The following RNF150 variants were observed in gnomAD, a reference collection of about 807,000 sequenced individuals.
RNF150 encodes ring finger protein 150.
In RNF150, 24 loss-of-function variants were observed where a neutral mutation model predicts 39.3. That is an observed-to-expected ratio of 0.61 (90% CI 0.44 to 0.86). The LOEUF (loss-of-function observed/expected upper bound fraction) is 0.86, where lower values mean the gene tolerates loss of function less well. Ranked by LOEUF, RNF150 falls within the 40% of genes least tolerant of loss-of-function variation. The probability of loss-of-function intolerance (pLI) is 0.00; values close to 1 mark genes in which losing one functional copy is unlikely to be tolerated. For synonymous variants in RNF150, 255 were observed against 227.3 expected (o/e 1.12, Z -1.10); for missense variants, 502 against 587.8 (o/e 0.85, Z 1.51).
At chr4:141,163,585 G>A (rs1028705230) in intron 1 of RNF150, among the ~76,000 whole-genome samples, 14 of 152,140 alleles carry the variant, frequency 9.2e-5, no homozygotes, top group Admixed American at 6.5e-4. Context: ...TGCCACCCTC[G>A]GATGAAGCTT....
At chr4:141,170,223 A>G (rs548235001) in intron 1 of RNF150, among the ~76,000 whole-genome samples, 1 of 152,340 alleles carries the variant, frequency 6.6e-6, no homozygotes, top group South Asian at 2.1e-4. Context: ...TGTAATGGTT[A>G]TAAGTCAGAT....
intron 5 of RNF150, among the ~76,000 whole-genome samples, chr4:140,918,103 T>C (rs560447145): frequency 1.9e-3 from 285 of 151,846 alleles, no homozygotes; most frequent in African/African-American, 6.6e-3. Context: ...AGATCCAAAA[T>C]TGACACCCTA....
chr4:141,146,809 A>G (rs961965777), intron 1 of RNF150, among the ~76,000 whole-genome samples: 1 of 152,182 alleles, frequency 6.6e-6, no homozygotes, highest in African/African-American at 2.4e-5. Context: ...TAAGAGAAGT[A>G]TACAATCTGC....
intron 1 of RNF150, among the ~76,000 whole-genome samples, chr4:141,107,206 C>T (rs1739240251): frequency 6.6e-6 from 1 of 152,126 alleles, no homozygotes; most frequent in Admixed American, 6.5e-5. Flanking sequence ...TTATAAAGAA[C>T]ATAGACTTTG....
At chr4:141,125,628 CG>C (rs1342946332) in intron 1 of RNF150, among the ~76,000 whole-genome samples, 1 of 152,278 alleles carries the variant, frequency 6.6e-6, no homozygotes, top group Middle Eastern at 3.4e-3. Flanking sequence ...GCAACAATAA[CG>C]GTTAACTTTT....
chr4:141,029,860 TTAAA>T (rs997122683), intron 1 of RNF150, among the ~76,000 whole-genome samples: 2 of 152,178 alleles, frequency 1.3e-5, no homozygotes, highest in African/African-American at 2.4e-5. Context: ...GGCAAATGAC[TTAAA>T]TAGACATTTC....
chr4:141,175,194 C>A (rs572148454), intron 1 of RNF150, among the ~76,000 whole-genome samples: 6 of 152,286 alleles, frequency 3.9e-5, no homozygotes, highest in Non-Finnish European at 8.8e-5. Flanking sequence ...GCCAGATTGC[C>A]ACATTAAGCC....
intron 1 of RNF150, among the ~76,000 whole-genome samples, chr4:141,114,852 TAA>T (rs1739498868): frequency 6.6e-6 from 1 of 152,174 alleles, no homozygotes; most frequent in Non-Finnish European, 1.5e-5. Flanking sequence ...TGCAAATCAA[TAA>T]GTGTAATTCA....
rs142802253 is a variant in RNF150, at chr4:140,995,590, A to G, written c.485-27717T>C. ...TCTTATGGAAAGCTGCTTCCGCCCC[A>G]TCCCTGTTTTAGCTAATCCTCAATT... On this transcript the variant is annotated intron_variant, in intron 1 of 6. Coordinates refer to ENST00000515673, the MANE Select transcript of RNF150 (RefSeq NM_020724.2). Among the ~76,000 whole-genome samples, 363 of 152,208 alleles carry G rather than the reference A, an allele frequency of 2.4e-3. 1 individual carries two copies. The highest frequency in any genetic ancestry group is 8.2e-3 in the African/African-American group (340 of 41,538).
At chr4:140,993,010 A>G (rs1335870354) in intron 1 of RNF150, among the ~76,000 whole-genome samples, 4 of 151,856 alleles carry the variant, frequency 2.6e-5, no homozygotes, top group African/African-American at 9.7e-5. Context: ...CGGGAAAACA[A>G]TGCTCTCGGG....
At chr4:140,917,761 C>T (rs562796235) in intron 5 of RNF150, among the ~76,000 whole-genome samples, 1 of 151,376 alleles carries the variant, frequency 6.6e-6, no homozygotes, top group East Asian at 1.9e-4. Context: ...CCACACCACA[C>T]CTATTCCAAA....
intron 6 of RNF150, among the ~76,000 whole-genome samples, chr4:140,895,248 G>A (rs1225272742): frequency 6.6e-6 from 1 of 152,126 alleles, no homozygotes; most frequent in Non-Finnish European, 1.5e-5. Flanking sequence ...CATCATAAGT[G>A]AGTATATTTT....
At chr4:141,001,027 T>C (rs1173827331) in intron 1 of RNF150, among the ~76,000 whole-genome samples, 1 of 152,206 alleles carries the variant, frequency 6.6e-6, no homozygotes, top group African/African-American at 2.4e-5. Flanking sequence ...CAGCGTAATT[T>C]TACTTATAAT....
chr4:141,162,698 A>C (rs1335607596), intron 1 of RNF150, among the ~76,000 whole-genome samples: 1 of 152,046 alleles, frequency 6.6e-6, no homozygotes, highest in Non-Finnish European at 1.5e-5. Context: ...CAGAACCACA[A>C]GGGGTCAAGG....
chr4:140,892,668 G>A (rs1011661856), intron 6 of RNF150, among the ~76,000 whole-genome samples: 2 of 149,496 alleles, frequency 1.3e-5, no homozygotes, highest in Middle Eastern at 3.2e-3. Context: ...TCTTGGCTTC[G>A]CAGGCTCCTT....
chr4:141,012,748 A>T (rs1269608731), intron 1 of RNF150, among the ~76,000 whole-genome samples: 5 of 120,682 alleles, frequency 4.1e-5, no homozygotes, highest in African/African-American at 1.5e-4. Flanking sequence ...GTGCCACTGC[A>T]CTCCAGCCTG....
chr4:141,180,463 TAGGTGA>T (rs1233737152), intron 1 of RNF150, among the ~76,000 whole-genome samples: 1 of 152,204 alleles, frequency 6.6e-6, no homozygotes, highest in African/African-American at 2.4e-5. Flanking sequence ...CTTCTGTCTG[TAGGTGA>T]CAGATAATGG....
chr4:140,968,474 C>G (rs866747696), intron 1 of RNF150, among the ~76,000 whole-genome samples: 1 of 151,888 alleles, frequency 6.6e-6, no homozygotes, highest in South Asian at 2.1e-4. Context: ...GGTCCCAGAA[C>G]TATTTTCTGC....
chr4:140,926,620 T>C (rs1280588857), intron 4 of RNF150, among the ~76,000 whole-genome samples: 1 of 152,220 alleles, frequency 6.6e-6, no homozygotes. Context: ...TAGAAGGCTC[T>C]GGGGTTTCAC....
Sources: gnomAD v4.1 joint callset for allele counts (sites outside exome capture counted in the v4.1 genomes callset) on GRCh38, gnomAD v4.1.1 for gene constraint, MANE v1.5 for transcripts, NCBI Gene and HGNC (gene_info 2026-07-23, HGNC 2026-07-21) for gene names.